Variants in EPHA6 observed in about 807,000 individuals in gnomAD.
The protein encoded by EPHA6 is ephrin type-A receptor 6.
Under a neutral mutation model 112.0 loss-of-function variants are expected in EPHA6, and 50 were observed. The observed-to-expected ratio is 0.45, with a 90% CI of 0.36 to 0.56. The LOEUF is 0.56. Among genes scored for constraint, EPHA6 ranks in the 20% least tolerant of loss-of-function variants. The probability of loss-of-function intolerance (pLI) is 0.00; values close to 1 mark genes in which losing one functional copy is unlikely to be tolerated. For synonymous variants in EPHA6, 529 were observed against 490.7 expected, an observed-to-expected ratio of 1.08 and a Z score of -1.03; for missense variants, 1,280 against 1,417.4, an observed-to-expected ratio of 0.90 and a Z score of 1.56.
intron 4 of EPHA6, among the ~76,000 whole-genome samples, chr3:97,236,364 G>A (rs190763073): frequency 5.9e-5 from 9 of 151,548 alleles, no homozygotes; most frequent in Non-Finnish European, 8.8e-5. Context: ...GTGAGTGAGA[G>A]GTTAGAAAAA....
At chr3:97,500,293 T>TA (rs560635309) in intron 10 of EPHA6, among the ~76,000 whole-genome samples, 6 of 151,388 alleles carry the variant, frequency 4.0e-5, no homozygotes, top group South Asian at 4.2e-4. Context: ...ATTTTTTTTT[T>TA]AAAAAAAGAG....
At chr3:97,155,727 G>A (rs1009249311) in intron 3 of EPHA6, among the ~76,000 whole-genome samples, 12 of 152,136 alleles carry the variant, frequency 7.9e-5, no homozygotes, top group South Asian at 2.1e-4. Flanking sequence ...CTGTGAACCT[G>A]CTGGCTGTCA....
chr3:97,383,404 C>A (rs1577179811), intron 5 of EPHA6, among the ~76,000 whole-genome samples: 1 of 151,954 alleles, frequency 6.6e-6, no homozygotes, highest in Non-Finnish European at 1.5e-5. Context: ...AGTAAAATGC[C>A]AAATTCATAT....
rs2082063625 is a variant in EPHA6 at position 97,320,620 on chromosome 3, C to G, written c.1606+76333C>G. On this transcript the variant is annotated intron_variant, in intron 5 of 17. Coordinates refer to ENST00000389672, the MANE Select transcript of EPHA6 (RefSeq NM_001080448.3). ...TTTTAGACTGCATAGGTCCCCAAGACTTATGTTTGTGGGAGGTGTGGAAGA... is the reference window on the plus strand; with the variant it reads ...TTTTAGACTGCATAGGTCCCCAAGAGTTATGTTTGTGGGAGGTGTGGAAGA... 2.0e-5 allele frequency among the ~76,000 whole-genome samples: 3 copies of G among 151,664 alleles called. No individual in the cohort carries two copies. In the South Asian group the frequency reaches 6.2e-4, roughly 32 times the overall value.
At chr3:96,881,126 G>A (rs1349493831) in intron 2 of EPHA6, among the ~76,000 whole-genome samples, 1 of 152,014 alleles carries the variant, frequency 6.6e-6, no homozygotes, top group Non-Finnish European at 1.5e-5. Context: ...AACTATTTTT[G>A]TGTTCTCATC....
chr3:97,352,492 G>A (rs968566798), intron 5 of EPHA6, among the ~76,000 whole-genome samples: 1 of 152,160 alleles, frequency 6.6e-6, no homozygotes, highest in Non-Finnish European at 1.5e-5. Flanking sequence ...TTGGAGGAGA[G>A]AGAATGCAGT....
intron 3 of EPHA6, among the ~76,000 whole-genome samples, chr3:97,078,103 G>A (rs1208061022): frequency 6.6e-6 from 1 of 152,092 alleles, no homozygotes; most frequent in African/African-American, 2.4e-5. Context: ...GTGTGAGATG[G>A]TATCTCATTG....
At chr3:97,273,192 G>C (rs2079951513) in intron 5 of EPHA6, among the ~76,000 whole-genome samples, 2 of 152,174 alleles carry the variant, frequency 1.3e-5, no homozygotes, top group African/African-American at 2.4e-5. Context: ...AGAATTGGAA[G>C]GACCCAGGAC....
At chr3:97,443,049 T>A (rs1376550165) in intron 6 of EPHA6, among the ~76,000 whole-genome samples, 2 of 152,170 alleles carry the variant, frequency 1.3e-5, no homozygotes, top group African/African-American at 4.8e-5. Context: ...GCAAAATACC[T>A]TTCTGCAGAT....
chr3:97,288,455 A>G (rs530395577), intron 5 of EPHA6, among the ~76,000 whole-genome samples: 1 of 152,276 alleles, frequency 6.6e-6, no homozygotes, highest in East Asian at 1.9e-4. Flanking sequence ...CATTACATAT[A>G]CATCACATTT....
intron 2 of EPHA6, among the ~76,000 whole-genome samples, chr3:96,948,966 C>T (rs1254809532): frequency 2.0e-5 from 3 of 152,156 alleles, no homozygotes; most frequent in East Asian, 3.9e-4. Flanking sequence ...GAGGTTATGC[C>T]GTGGAGTCCT....
At chr3:96,909,090 T>G (rs2039082581) in intron 2 of EPHA6, among the ~76,000 whole-genome samples, 1 of 151,982 alleles carries the variant, frequency 6.6e-6, no homozygotes. Context: ...CCATATGATA[T>G]TTTTCATGTT....
At chr3:97,725,651 A>G (rs1021435794) in intron 15 of EPHA6, among the ~76,000 whole-genome samples, 15 of 152,150 alleles carry the variant, frequency 9.9e-5, no homozygotes, top group African/African-American at 3.6e-4. Flanking sequence ...CAACCTTAGC[A>G]CTATTGACAT....
intron 5 of EPHA6, among the ~76,000 whole-genome samples, chr3:97,304,373 C>A (rs2081224264): frequency 6.6e-6 from 1 of 151,784 alleles, no homozygotes; most frequent in South Asian, 2.1e-4. Context: ...CATTGATGTT[C>A]TTCACAAAAT....
chr3:97,218,243 C>A (rs2078088392), intron 3 of EPHA6, among the ~76,000 whole-genome samples: 1 of 151,750 alleles, frequency 6.6e-6, no homozygotes, highest in African/African-American at 2.4e-5. Flanking sequence ...TGCACTCTAG[C>A]CTGGATGAAA....
intron 3 of EPHA6, among the ~76,000 whole-genome samples, chr3:97,196,166 GT>G (rs796998835): frequency 1.1e-3 from 157 of 142,694 alleles, no homozygotes; most frequent in Admixed American, 7.0e-4. Flanking sequence ...ATTCTTCCTT[GT>G]TTTTTTTTTC....
intron 2 of EPHA6, among the ~76,000 whole-genome samples, chr3:96,981,653 A>G (rs13149844): frequency 1.3e-5 from 2 of 151,994 alleles, no homozygotes; most frequent in African/African-American, 2.4e-5. Flanking sequence ...TGTACCTCTG[A>G]CAGAATTCTG....
chr3:97,490,312 T>C (rs1315438810), intron 10 of EPHA6, among the ~76,000 whole-genome samples: 3 of 152,162 alleles, frequency 2.0e-5, no homozygotes, highest in African/African-American at 7.2e-5. Context: ...CATTGCTTTA[T>C]ATTAACAATT....
intron 11 of EPHA6, among the ~76,000 whole-genome samples, chr3:97,542,339 G>A (rs993007125): frequency 6.6e-6 from 1 of 152,076 alleles, no homozygotes; most frequent in Non-Finnish European, 1.5e-5. Flanking sequence ...GCGAGAGCAT[G>A]CGGTGTTTGG....
Sources: allele counts gnomAD v4.1 joint callset (sites outside exome capture counted in the v4.1 genomes callset), GRCh38; gene constraint gnomAD v4.1.1; transcripts MANE v1.5; gene names NCBI Gene and HGNC (gene_info 2026-07-23, HGNC 2026-07-21).